QTMAN: variants seen among roughly 807,000 people sequenced by gnomAD.
QTMAN encodes tRNA-queuosine alpha-mannosyltransferase.
the QTMAN span, among the ~76,000 whole-genome samples, chr2:144,062,268 A>C: frequency 1.3e-5 from 2 of 152,180 alleles, no homozygotes; most frequent in African/African-American, 4.8e-5. Context: ...CCTTCCCGTA[A>C]GGCGTTTGAG....
the QTMAN span, among the ~76,000 whole-genome samples, chr2:144,032,833 C>A: frequency 6.6e-6 from 1 of 151,990 alleles, no homozygotes; most frequent in African/African-American, 2.4e-5. Flanking sequence ...ATCAGACAAA[C>A]TGGGATAAAG....
At chr2:144,245,350 C>T in the QTMAN span, among the ~76,000 whole-genome samples, 2 of 152,064 alleles carry the variant, frequency 1.3e-5, no homozygotes, top group African/African-American at 4.8e-5. Context: ...TAGTTCTTTA[C>T]TTTTTCTGAG....
the QTMAN span, among the ~76,000 whole-genome samples, chr2:144,083,245 T>C: frequency 6.6e-6 from 1 of 152,214 alleles, no homozygotes; most frequent in Admixed American, 6.5e-5. Context: ...CATCTGCCTC[T>C]CTTGAAATAC....
At chr2:144,115,166 G>C in the QTMAN span, among the ~76,000 whole-genome samples, 1 of 151,358 alleles carries the variant, frequency 6.6e-6, no homozygotes, top group African/African-American at 2.4e-5. Context: ...AGGAGGCGGA[G>C]GTTGCAGTAA....
the QTMAN span, among the ~76,000 whole-genome samples, chr2:144,148,598 T>C: frequency 6.6e-6 from 1 of 152,036 alleles, no homozygotes; most frequent in East Asian, 1.9e-4. Flanking sequence ...AATTTCTACA[T>C]GAGGATTATC....
At chr2:144,092,868 GGGGTGT>G in the QTMAN span, among the ~76,000 whole-genome samples, 27 of 89,488 alleles carry the variant, frequency 3.0e-4, no homozygotes, top group African/African-American at 1.6e-3. Context: ...ATAAACTTTT[GGGGTGT>G]GTGTGTGTGT....
the QTMAN span, chr2:144,141,976 G>A: frequency 6.2e-7 from 1 of 1,610,142 alleles, no homozygotes; most frequent in Non-Finnish European, 8.5e-7. Flanking sequence ...TCAGGAATCA[G>A]CTTCATAAAT....
At chr2:144,227,578 C>T in the QTMAN span, among the ~76,000 whole-genome samples, 6 of 152,086 alleles carry the variant, frequency 3.9e-5, no homozygotes, top group Non-Finnish European at 5.9e-5. Context: ...AACATGTAGG[C>T]ACTGTGCTAA....
At chr2:144,198,627 T>TA in the QTMAN span, among the ~76,000 whole-genome samples, 2 of 152,186 alleles carry the variant, frequency 1.3e-5, no homozygotes, top group South Asian at 4.1e-4. Flanking sequence ...CCAACCACCC[T>TA]AAAACTTTCA....
At chr2:143,955,318 G>A in the QTMAN span, among the ~76,000 whole-genome samples, 3 of 152,110 alleles carry the variant, frequency 2.0e-5, no homozygotes, top group Non-Finnish European at 2.9e-5. Context: ...TAATTAAGTG[G>A]AAATGCTAAT....
chr2:143,954,224 T>C, the QTMAN span, among the ~76,000 whole-genome samples: 3 of 152,156 alleles, frequency 2.0e-5, no homozygotes, highest in Middle Eastern at 6.8e-3. Flanking sequence ...ATACTCTTTA[T>C]GGACCAAAAG....
chr2:144,116,991 A>T, the QTMAN span, among the ~76,000 whole-genome samples: 1 of 152,140 alleles, frequency 6.6e-6, no homozygotes, highest in Non-Finnish European at 1.5e-5. Context: ...AGTTTTCAAG[A>T]TCTCATGTGA....
At chr2:144,067,833 A>T in the QTMAN span, among the ~76,000 whole-genome samples, 1 of 152,160 alleles carries the variant, frequency 6.6e-6, no homozygotes, top group African/African-American at 2.4e-5. Flanking sequence ...TTAGTATCTC[A>T]GGTTTTGAGG....
the QTMAN span, among the ~76,000 whole-genome samples, chr2:144,251,798 A>G: frequency 6.6e-6 from 1 of 152,366 alleles, no homozygotes; most frequent in East Asian, 1.9e-4. Flanking sequence ...GACAAGTCAC[A>G]GACTGAGAGA....
At chr2:143,953,158 A>G in the QTMAN span, among the ~76,000 whole-genome samples, 5 of 151,856 alleles carry the variant, frequency 3.3e-5, no homozygotes, top group Non-Finnish European at 5.9e-5. Flanking sequence ...CACATGTAAC[A>G]ACATGGTAAA....
At chr2:144,141,718 T>A in the QTMAN span, among the ~76,000 whole-genome samples, 1 of 151,980 alleles carries the variant, frequency 6.6e-6, no homozygotes, top group Non-Finnish European at 1.5e-5. Context: ...AGACACATGA[T>A]GATTTAAAAT....
At chr2:144,137,989 T>A in the QTMAN span, among the ~76,000 whole-genome samples, 1 of 152,122 alleles carries the variant, frequency 6.6e-6, no homozygotes, top group South Asian at 2.1e-4. Flanking sequence ...ATTATCTCAG[T>A]GTTGACCTCC....
the QTMAN span, among the ~76,000 whole-genome samples, chr2:144,150,111 CATAATGAG>C: frequency 6.6e-6 from 1 of 152,018 alleles, no homozygotes; most frequent in African/African-American, 2.4e-5. Flanking sequence ...CTATTTATGA[CATAATGAG>C]ATAGTGTATA....
At chr2:144,014,315 C>T in the QTMAN span, among the ~76,000 whole-genome samples, 1 of 152,148 alleles carries the variant, frequency 6.6e-6, no homozygotes, top group East Asian at 1.9e-4. Context: ...TGGGGGAATA[C>T]CCGCTAGCCC....
Sources: gnomAD v4.1 joint callset for allele counts (sites outside exome capture counted in the v4.1 genomes callset) on GRCh38, gnomAD v4.1.1 for gene constraint, MANE v1.5 for transcripts, NCBI Gene and HGNC (gene_info 2026-07-23, HGNC 2026-07-21) for gene names.